Variants in MAMDC2 observed in about 807,000 individuals in gnomAD.
MAMDC2 encodes MAM domain containing 2.
A neutral mutation model predicts 89.8 loss-of-function variants in MAMDC2; 57 were observed. The observed-to-expected ratio is 0.63, with a 90% CI of 0.51 to 0.79. The LOEUF (loss-of-function observed/expected upper bound fraction) is 0.79. MAMDC2 is among the 30% of genes least tolerant of loss of function. MAMDC2 has a pLI of 0.00. For synonymous variants in MAMDC2, 313 were observed against 293.4 expected, an observed-to-expected ratio of 1.07 and a Z score of -0.68; for missense variants, 800 against 820.6, an observed-to-expected ratio of 0.97 and a Z score of 0.31.
At chr9:70,057,952 AT>A (rs1209357853) in intron 2 of MAMDC2, among the ~76,000 whole-genome samples, 3 of 152,164 alleles carry the variant, frequency 2.0e-5, no homozygotes, top group African/African-American at 7.2e-5. Context: ...GGAATGTTTT[AT>A]TTCAGTATTT....
intron 9 of MAMDC2, among the ~76,000 whole-genome samples, chr9:70,150,050 G>T (rs897199315): frequency 6.6e-6 from 1 of 152,146 alleles, no homozygotes; most frequent in Non-Finnish European, 1.5e-5. Flanking sequence ...CTTTTTCATT[G>T]TGAGTGACTC....
At chr9:70,161,818 T>C (rs1370576788) in intron 9 of MAMDC2, among the ~76,000 whole-genome samples, 2 of 152,244 alleles carry the variant, frequency 1.3e-5, no homozygotes, top group Non-Finnish European at 2.9e-5. Context: ...TGGATTATAG[T>C]AATTTTGTGA....
intron 11 of MAMDC2, among the ~76,000 whole-genome samples, chr9:70,206,853 C>A (rs2033236132): frequency 6.6e-6 from 1 of 152,114 alleles, no homozygotes; most frequent in African/African-American, 2.4e-5. Context: ...TTGTTCAATT[C>A]CCACCTATGA....
intron 9 of MAMDC2, among the ~76,000 whole-genome samples, chr9:70,160,510 C>A (rs954694311): frequency 6.6e-6 from 1 of 152,094 alleles, no homozygotes; most frequent in Non-Finnish European, 1.5e-5. Context: ...CTCTGTCCCA[C>A]CATGAAAAGA....
chr9:70,104,142 C>T (rs757623836), intron 2 of MAMDC2, among the ~76,000 whole-genome samples: 3 of 152,096 alleles, frequency 2.0e-5, no homozygotes, highest in African/African-American at 4.8e-5. Context: ...ACGATTTGAA[C>T]AGACATTTTT....
chr9:70,122,878 G>A (rs967581248), intron 5 of MAMDC2, among the ~76,000 whole-genome samples: 1 of 152,154 alleles, frequency 6.6e-6, no homozygotes, highest in Admixed American at 6.5e-5. Context: ...GAGAACCTGG[G>A]CCGATGGGAG....
At chr9:70,188,270 T>C (rs1156262499) in intron 11 of MAMDC2, among the ~76,000 whole-genome samples, 1 of 152,198 alleles carries the variant, frequency 6.6e-6, no homozygotes, top group African/African-American at 2.4e-5. Flanking sequence ...TCTACCAGTC[T>C]CTACCATTTG....
At chr9:70,210,680 T>C (rs2033336988) in intron 11 of MAMDC2, among the ~76,000 whole-genome samples, 2 of 152,230 alleles carry the variant, frequency 1.3e-5, no homozygotes, top group African/African-American at 4.8e-5. Flanking sequence ...GTCATGACGT[T>C]AGCTGGTTAT....
At chr9:70,062,255 A>T (rs2997665) in intron 2 of MAMDC2, among the ~76,000 whole-genome samples, 25,269 of 147,346 alleles carry the variant, frequency 0.17, 2,151 homozygotes, top group African/African-American at 0.2. Flanking sequence ...TACATATGAG[A>T]TGTATACACA....
chr9:70,199,196 A>ACCCC (rs2033043263), intron 11 of MAMDC2, among the ~76,000 whole-genome samples: 1 of 13,302 alleles, frequency 7.5e-5, no homozygotes, highest in African/African-American at 1.4e-4. Context: ...TCCCAATGCT[A>ACCCC]TCCCTCCCCC....
At chr9:70,074,328 G>C (rs931260708) in intron 2 of MAMDC2, among the ~76,000 whole-genome samples, 1 of 152,238 alleles carries the variant, frequency 6.6e-6, no homozygotes, top group Non-Finnish European at 1.5e-5. Context: ...TGTGACTGCT[G>C]CAGTGAAAAG....
intron 9 of MAMDC2, among the ~76,000 whole-genome samples, chr9:70,156,057 T>C (rs1055555325): frequency 6.6e-6 from 1 of 152,212 alleles, no homozygotes; most frequent in Non-Finnish European, 1.5e-5. Context: ...AAATGACTTC[T>C]AGGTCTCTTC....
intron 5 of MAMDC2, among the ~76,000 whole-genome samples, chr9:70,119,902 T>C (rs1178420284): frequency 1.3e-5 from 2 of 152,238 alleles, no homozygotes; most frequent in Non-Finnish European, 2.9e-5. Flanking sequence ...ATACAGCACA[T>C]GGCCAAATTC....
chr9:70,053,300 A>G (rs1029329940), intron 2 of MAMDC2, among the ~76,000 whole-genome samples: 8 of 152,238 alleles, frequency 5.3e-5, no homozygotes, highest in Admixed American at 5.2e-4. Context: ...AGAATAAGAT[A>G]ATAAAACAAG....
chr9:70,217,105 AAAATT>A (rs1268880190), intron 11 of MAMDC2: 19 of 540,760 alleles, frequency 3.5e-5, no homozygotes, highest in African/African-American at 2.7e-4. Context: ...GCAATAAAAT[AAAATT>A]AGAAAAGGAA....
At chr9:70,053,012 T>C (rs1371874223) in intron 2 of MAMDC2, among the ~76,000 whole-genome samples, 3 of 152,176 alleles carry the variant, frequency 2.0e-5, no homozygotes, top group Non-Finnish European at 2.9e-5. Context: ...GTGGCACTGC[T>C]GGGGCTGGAA....
At chr9:70,145,737 A>ATTAT (rs370396639) in intron 9 of MAMDC2, among the ~76,000 whole-genome samples, 1 of 151,908 alleles carries the variant, frequency 6.6e-6, no homozygotes, top group Non-Finnish European at 1.5e-5. Flanking sequence ...GATTTAATTA[A>ATTAT]TTATTTATTT....
At chr9:70,050,993 T>G (rs1037134436) in intron 2 of MAMDC2, among the ~76,000 whole-genome samples, 1 of 152,240 alleles carries the variant, frequency 6.6e-6, no homozygotes, top group Non-Finnish European at 1.5e-5. Context: ...TGCTTCATTA[T>G]TCTCCCACCC....
intron 11 of MAMDC2, among the ~76,000 whole-genome samples, chr9:70,202,410 T>C (rs1175259615): frequency 6.6e-6 from 1 of 151,962 alleles, no homozygotes. Context: ...TGCACTGTGG[T>C]CTGAGAGATA....
Sources: gnomAD v4.1 joint callset for allele counts (sites outside exome capture counted in the v4.1 genomes callset) on GRCh38, gnomAD v4.1.1 for gene constraint, MANE v1.5 for transcripts, NCBI Gene and HGNC (gene_info 2026-07-23, HGNC 2026-07-21) for gene names.